Variants in CTNNA2 observed in about 807,000 individuals in gnomAD.
CTNNA2 encodes the protein catenin alpha 2.
A neutral mutation model predicts 101.0 loss-of-function variants in CTNNA2; 42 were observed. The ratio of observed to expected loss-of-function variants is 0.42; its 90% CI spans 0.32 to 0.54. The LOEUF is 0.54. CTNNA2 is among the 20% of genes least tolerant of loss of function. CTNNA2 has a pLI of 0.14. For missense variants in CTNNA2, 871 were observed against 1,223.1 expected, an observed-to-expected ratio of 0.71 and a Z score of 4.29; for synonymous variants, 450 against 456.4, an observed-to-expected ratio of 0.99 and a Z score of 0.18.
chr2:79,917,834 C>T (rs1686362439), intron 7 of CTNNA2, among the ~76,000 whole-genome samples: 1 of 152,080 alleles, frequency 6.6e-6, no homozygotes, highest in Admixed American at 6.5e-5. Flanking sequence ...GTGTCAGGTT[C>T]AGGTGTTGCC....
chr2:80,361,758 C>T (rs78172970), intron 7 of CTNNA2, among the ~76,000 whole-genome samples: 3,881 of 152,090 alleles, frequency 0.026, 56 homozygotes, highest in Middle Eastern at 0.037. Flanking sequence ...TAATTTAGAA[C>T]AAAATCTCCT....
At chr2:79,535,362 G>A (rs930013717) in intron 1 of CTNNA2, among the ~76,000 whole-genome samples, 1 of 151,570 alleles carries the variant, frequency 6.6e-6, no homozygotes, top group Non-Finnish European at 1.5e-5. Flanking sequence ...CTGCCACCAC[G>A]CCCAGCTAAT....
chr2:79,766,763 CTT>C (rs77703514), intron 3 of CTNNA2, among the ~76,000 whole-genome samples: 2,641 of 148,724 alleles, frequency 0.018, 57 homozygotes, highest in African/African-American at 0.06. Context: ...TTTCTTTTTT[CTT>C]TTTTTTTTAA....
rs146722259 is a variant in CTNNA2, at chr2:79,402,294, A to C, written c.-135+28281A>C. 2.6e-5 allele frequency among the ~76,000 whole-genome samples: 4 copies of C among 151,840 alleles called. No individual in the cohort carries two copies. In the East Asian group the frequency reaches 7.7e-4, roughly 29 times the overall value. On this transcript the variant is annotated intron_variant, in intron 4 of 21. Transcript: ENST00000466387. ...TGTGGAAAAGTTGAACAACATTATA[A>C]ATGAACTATTAATATAAACCTCATA...
intron 7 of CTNNA2, among the ~76,000 whole-genome samples, chr2:80,004,323 TAA>T (rs1309660999): frequency 6.6e-6 from 1 of 152,112 alleles, no homozygotes; most frequent in Non-Finnish European, 1.5e-5. Flanking sequence ...CTGTAAGTGA[TAA>T]GAGTATGGCC....
At chr2:79,327,157 A>C (rs770547783) in intron 3 of CTNNA2, among the ~76,000 whole-genome samples, 1 of 152,220 alleles carries the variant, frequency 6.6e-6, no homozygotes, top group Non-Finnish European at 1.5e-5. Context: ...TATCTTTGGT[A>C]GCCTGTCTTA....
intron 1 of CTNNA2, among the ~76,000 whole-genome samples, chr2:79,621,025 T>C (rs1251989040): frequency 6.6e-6 from 1 of 152,158 alleles, no homozygotes; most frequent in Non-Finnish European, 1.5e-5. Context: ...TTTGTTAAAC[T>C]GATGAACACA....
At chr2:79,339,955 C>T (rs191734541) in intron 3 of CTNNA2, 1 of 152,314 alleles carries the variant, frequency 6.6e-6, no homozygotes, top group Admixed American at 6.5e-5. Flanking sequence ...CAGGGGTCAT[C>T]TGAGTCTGCA....
chr2:79,525,654 A>G (rs1284427450), intron 1 of CTNNA2, among the ~76,000 whole-genome samples: 1 of 152,024 alleles, frequency 6.6e-6, no homozygotes, highest in Non-Finnish European at 1.5e-5. Context: ...TAAATAGATG[A>G]TATAATTTTT....
chr2:79,272,754 T>C (rs1675117542), intron 2 of CTNNA2, among the ~76,000 whole-genome samples: 1 of 152,108 alleles, frequency 6.6e-6, no homozygotes, highest in Admixed American at 6.6e-5. Context: ...TTTTTATGTG[T>C]TTTCTATTCA....
chr2:80,584,427 TA>T lies in CTNNA2; in HGVS notation c.2007+2609del, dbSNP rs1210295455. 1.3e-4 allele frequency among the ~76,000 whole-genome samples: 8 copies of T among 60,548 alleles called. No individual in the cohort carries two copies. The East Asian group carries it at 4.0e-3, about 30-fold the overall frequency. The allele number at this position is 60,548 out of a possible 152,430, so 39.7% of individuals were successfully genotyped here. A position where few individuals can be genotyped will look rare whatever the true frequency, so the allele number is the denominator to read the frequency against. ...CTACAACATTCTGAGGGAGAGGAGATAGGGGGCGGGGGGCGGTTTAGGAGGG... is the reference window on the plus strand; with the variant it reads ...CTACAACATTCTGAGGGAGAGGAGATGGGGGCGGGGGGCGGTTTAGGAGGG... On this transcript the variant is annotated intron_variant, in intron 14 of 18. Coordinates refer to ENST00000402739, the MANE Select transcript of CTNNA2 (RefSeq NM_001282597.3).
chr2:80,064,000 A>T (rs1431496276), intron 7 of CTNNA2, among the ~76,000 whole-genome samples: 1 of 152,208 alleles, frequency 6.6e-6, no homozygotes, highest in African/African-American at 2.4e-5. Flanking sequence ...AAAGAGAAAG[A>T]TGTTCAGATT....
At chr2:79,738,353 C>G (rs868192315) in intron 2 of CTNNA2, among the ~76,000 whole-genome samples, 6 of 152,136 alleles carry the variant, frequency 3.9e-5, no homozygotes, top group African/African-American at 1.2e-4. Flanking sequence ...GGGGCTAGAG[C>G]AAAGTTGAGT....
intron 2 of CTNNA2, among the ~76,000 whole-genome samples, chr2:79,206,407 T>C (rs1279196607): frequency 6.6e-6 from 1 of 152,178 alleles, no homozygotes; most frequent in Non-Finnish European, 1.5e-5. Flanking sequence ...CATGTGAAGA[T>C]AAAAAGGGCC....
intron 9 of CTNNA2, among the ~76,000 whole-genome samples, chr2:80,495,564 C>A (rs1687385026): frequency 2.0e-5 from 3 of 152,116 alleles, no homozygotes; most frequent in Admixed American, 1.3e-4. Flanking sequence ...GAAATAGGGT[C>A]ATTGGAGATG....
chr2:79,358,673 C>T (rs62156647), intron 3 of CTNNA2, among the ~76,000 whole-genome samples: 2,312 of 152,256 alleles, frequency 0.015, 18 homozygotes, highest in Non-Finnish European at 0.024. Context: ...GTATTTCTTT[C>T]AAGAAACCAA....
chr2:80,070,643 G>C (rs1698268873), intron 7 of CTNNA2, among the ~76,000 whole-genome samples: 1 of 151,844 alleles, frequency 6.6e-6, no homozygotes, highest in African/African-American at 2.4e-5. Context: ...CTTGAGCCTG[G>C]GAGGTCGAGG....
At chr2:79,558,461 T>G (rs1450668121) in intron 1 of CTNNA2, among the ~76,000 whole-genome samples, 1 of 151,922 alleles carries the variant, frequency 6.6e-6, no homozygotes, top group East Asian at 1.9e-4. Context: ...ACAGTAGTGC[T>G]GTAAAGATTC....
At chr2:80,099,715 G>A (rs1006236136) in intron 7 of CTNNA2, among the ~76,000 whole-genome samples, 4 of 144,094 alleles carry the variant, frequency 2.8e-5, no homozygotes, top group Non-Finnish European at 4.5e-5. Context: ...TCCATTATAG[G>A]AACAATTGCC....
Sources: allele counts gnomAD v4.1 joint callset (sites outside exome capture counted in the v4.1 genomes callset), GRCh38; gene constraint gnomAD v4.1.1; transcripts MANE v1.5; gene names NCBI Gene and HGNC (gene_info 2026-07-23, HGNC 2026-07-21).